The following FHOD3 variants were observed in gnomAD, a reference collection of about 807,000 sequenced individuals.
FHOD3 encodes the protein formin homology 2 domain containing 3.
Under a neutral mutation model 173.0 loss-of-function variants are expected in FHOD3, and 90 were observed. That is an observed-to-expected ratio of 0.52 (90% CI 0.44 to 0.62). The LOEUF (loss-of-function observed/expected upper bound fraction) is 0.62, where lower values mean the gene tolerates loss of function less well. Among genes scored for constraint, FHOD3 ranks in the 20% least tolerant of loss-of-function variants. The pLI is 0.00. For synonymous variants in FHOD3, 828 were observed against 823.0 expected, an observed-to-expected ratio of 1.01 and a Z score of -0.10; for missense variants, 1,945 against 2,034.7, an observed-to-expected ratio of 0.96 and a Z score of 0.85.
At chr18:36,475,116 T>C (rs2053495516) in intron 3 of FHOD3, among the ~76,000 whole-genome samples, 1 of 152,006 alleles carries the variant, frequency 6.6e-6, no homozygotes, top group African/African-American at 2.4e-5. Context: ...CTGTAAAGTG[T>C]TCTGACTTGC....
intron 5 of FHOD3, among the ~76,000 whole-genome samples, chr18:36,553,717 A>G (rs1047574430): frequency 1.3e-5 from 2 of 152,164 alleles, no homozygotes. Context: ...AATGGGAGAA[A>G]ATTTTTACAA....
At chr18:36,356,793 G>A (rs1460321308) in intron 2 of FHOD3, among the ~76,000 whole-genome samples, 1 of 151,710 alleles carries the variant, frequency 6.6e-6, no homozygotes, top group Admixed American at 6.6e-5. Flanking sequence ...GTGCCACCAC[G>A]CCCTGCTAAT....
intron 9 of FHOD3, among the ~76,000 whole-genome samples, chr18:36,618,987 T>C (rs2033474313): frequency 6.6e-6 from 1 of 152,192 alleles, no homozygotes. Context: ...TGTCTGTCTA[T>C]ATTCACCCTA....
At chr18:36,462,809 T>A (rs371218799) in intron 3 of FHOD3, among the ~76,000 whole-genome samples, 2 of 152,178 alleles carry the variant, frequency 1.3e-5, no homozygotes, top group East Asian at 3.8e-4. Flanking sequence ...ATATATTTCA[T>A]AGAGATGGGA....
intron 3 of FHOD3, among the ~76,000 whole-genome samples, chr18:36,491,012 C>T (rs187230608): frequency 8.5e-5 from 13 of 152,304 alleles, no homozygotes; most frequent in Admixed American, 7.2e-4. Flanking sequence ...AGGCACCTAC[C>T]CCAGCCAGAC....
At chr18:36,544,884 A>T (rs2057356809) in intron 5 of FHOD3, among the ~76,000 whole-genome samples, 1 of 152,188 alleles carries the variant, frequency 6.6e-6, no homozygotes, top group African/African-American at 2.4e-5. Flanking sequence ...ACTTTTCAAA[A>T]ATTAGACAAA....
rs777430913 is a variant in FHOD3 at position 36,687,186 on chromosome 18, T to C, written c.2021+8T>C. On this transcript the variant is annotated splice_region_variant and intron_variant, in intron 16 of 28. Transcript: ENST00000590592. ...GCAAGCAAGAGAAGAAAGGTTTGTA[T>C]ATTTCTTCTTTCCCATTGTAACAAA... 9 of 1,600,844 alleles carry C rather than the reference T, an allele frequency of 5.6e-6. No individual in the cohort carries two copies. The Middle Eastern group carries it at 4.9e-4, about 88-fold the overall frequency.
intron 10 of FHOD3, among the ~76,000 whole-genome samples, chr18:36,626,868 A>G (rs2077408681): frequency 1.3e-5 from 2 of 152,148 alleles, no homozygotes; most frequent in African/African-American, 4.8e-5. Flanking sequence ...AAACAATCTG[A>G]TACCCATGGA....
chr18:36,415,096 A>G (rs1047920578), intron 3 of FHOD3, among the ~76,000 whole-genome samples: 46 of 152,136 alleles, frequency 3.0e-4, no homozygotes, highest in African/African-American at 1.0e-3. Context: ...GGAGGGCCTC[A>G]CAGTGTTTCA....
At chr18:36,749,788 C>T (rs546527707) in intron 24 of FHOD3, among the ~76,000 whole-genome samples, 33 of 152,314 alleles carry the variant, frequency 2.2e-4, no homozygotes, top group Non-Finnish European at 4.3e-4. Flanking sequence ...AATTAATTTA[C>T]ACTCCCTCCA....
intron 3 of FHOD3, among the ~76,000 whole-genome samples, chr18:36,385,892 G>A (rs533222871): frequency 6.6e-6 from 1 of 152,328 alleles, no homozygotes; most frequent in African/African-American, 2.4e-5. Flanking sequence ...TTGGCATGGA[G>A]GAGGAAGCTC....
intron 3 of FHOD3, among the ~76,000 whole-genome samples, chr18:36,498,156 CAAAT>C (rs780562703): frequency 2.0e-5 from 3 of 151,814 alleles, no homozygotes; most frequent in Non-Finnish European, 4.4e-5. Context: ...ATAAAATTTT[CAAAT>C]AAATGAAAAT....
chr18:36,406,809 G>T (rs1183303974), intron 3 of FHOD3, among the ~76,000 whole-genome samples: 2 of 152,146 alleles, frequency 1.3e-5, no homozygotes, highest in Admixed American at 1.3e-4. Flanking sequence ...CATATTAGTG[G>T]CAGGCCCCAC....
intron 23 of FHOD3, among the ~76,000 whole-genome samples, chr18:36,746,445 G>T (rs2042160808): frequency 6.6e-6 from 1 of 152,204 alleles, no homozygotes; most frequent in Non-Finnish European, 1.5e-5. Context: ...GAGTGGGCAG[G>T]TGAATAAAAC....
At chr18:36,576,933 A>T (rs1000500612) in intron 6 of FHOD3, among the ~76,000 whole-genome samples, 1 of 152,094 alleles carries the variant, frequency 6.6e-6, no homozygotes, top group East Asian at 1.9e-4. Flanking sequence ...TCTCTACTAA[A>T]AATATAAAAA....
chr18:36,750,979 T>C (rs544311090), intron 24 of FHOD3, among the ~76,000 whole-genome samples: 6 of 152,372 alleles, frequency 3.9e-5, no homozygotes, highest in African/African-American at 9.6e-5. Flanking sequence ...TTTTGTTCCA[T>C]ATGAATTTTA....
chr18:36,336,308 G>C (rs1425110258), intron 1 of FHOD3, among the ~76,000 whole-genome samples: 1 of 152,092 alleles, frequency 6.6e-6, no homozygotes, highest in Non-Finnish European at 1.5e-5. Context: ...GTGACCAAAA[G>C]CACTTGGACC....
intron 6 of FHOD3, among the ~76,000 whole-genome samples, chr18:36,589,982 G>C (rs1055674124): frequency 6.6e-6 from 1 of 152,176 alleles, no homozygotes; most frequent in African/African-American, 2.4e-5. Context: ...AGAAAGTTCA[G>C]ATTGGAGTGA....
chr18:36,576,239 G>A lies in FHOD3; in HGVS notation c.512-212G>A, dbSNP rs563217887. On this transcript the variant is annotated intron_variant, in intron 5 of 28. Coordinates refer to ENST00000590592, the MANE Select transcript of FHOD3 (RefSeq NM_001281740.3). ...ATTGGTGCCTTAATTGCATCTTCCG[G>A]GAGCCTGGAATAGCCCTTGTTTCTT... Among the ~76,000 whole-genome samples, 3 of 152,276 alleles carry A rather than the reference G, an allele frequency of 2.0e-5. No individual in the cohort carries two copies. In the East Asian group the frequency reaches 5.8e-4, roughly 29 times the overall value.
Sources: gnomAD v4.1 joint callset for allele counts (sites outside exome capture counted in the v4.1 genomes callset) on GRCh38, gnomAD v4.1.1 for gene constraint, MANE v1.5 for transcripts, NCBI Gene and HGNC (gene_info 2026-07-23, HGNC 2026-07-21) for gene names.